The following ECSIT variants were observed in gnomAD, a reference collection of about 807,000 sequenced individuals.
The protein encoded by ECSIT is ECSIT signaling integrator.
ECSIT carries 29 observed loss-of-function variants against 36.8 expected under a neutral mutation model. That is an observed-to-expected ratio of 0.79 (90% CI 0.59 to 1.08). The LOEUF is 1.08. ECSIT is among the 50% of genes least tolerant of loss of function. ECSIT has a pLI of 0.00. For missense variants in ECSIT, 542 were observed against 581.0 expected (o/e 0.93, Z 0.69); for synonymous variants, 231 against 234.8 (o/e 0.98, Z 0.15).
At position 11,507,863 on chromosome 19, in the gene ECSIT, C is replaced by CATACAT. The variant is rs775912998; in HGVS notation, c.797-19_797-14dup. The CATACAT allele has an allele frequency of 6.2e-7, 1 of 1,613,704 alleles. No homozygotes were observed. The highest frequency in any genetic ancestry group is 2.2e-5 in the East Asian group (1 of 44,880). On this transcript the variant is annotated splice_polypyrimidine_tract_variant and intron_variant, in intron 5 of 7. Transcript: ENST00000270517. ...GGACTCTGGATTCCTGGTGTGGAGA[C>CATACAT]ATACATGCCCTGTGCCCTGCAAGGG...
At chr19:11,523,946 G>T in intron 1 of ECSIT, 1 of 356,720 alleles carries the variant, frequency 2.8e-6, no homozygotes, top group Non-Finnish European at 5.4e-6. Flanking sequence ...TTTGAGACAG[G>T]ATCTCACTCT....
intron 2 of ECSIT, among the ~76,000 whole-genome samples, chr19:11,516,877 G>C (rs1413937284): frequency 6.6e-6 from 1 of 151,884 alleles, no homozygotes; most frequent in Non-Finnish European, 1.5e-5. Flanking sequence ...AAATTAGCCA[G>C]GCATGGTGGT....
intron 5 of ECSIT, 31 bp downstream of exon 5, chr19:11,507,959 AG>A: frequency 1.2e-6 from 2 of 1,613,972 alleles, no homozygotes; most frequent in Non-Finnish European, 1.7e-6. Flanking sequence ...GTAAGGTTAG[AG>A]ACTTGGCTGC....
rs2144960158 is a variant in ECSIT, at chr19:11,506,120, G to A, written c.*64C>T. The A allele has an allele frequency of 1.3e-6, 2 of 1,584,502 alleles. No individual in the cohort carries two copies. Among genetic ancestry groups the A allele is most frequent in the Non-Finnish European group, 1.7e-6 (2 of 1,171,126 alleles). On this transcript the variant is annotated 3_prime_UTR_variant, in exon 8 of 8. Coordinates refer to ENST00000270517, the MANE Select transcript of ECSIT (RefSeq NM_016581.5). ...CATTGATTTGCTGTACACTCAAAGG[G>A]CATCTCATGCCTTCAGTCCACCGCC...
intron 1 of ECSIT, chr19:11,523,356 C>T: frequency 2.5e-6 from 1 of 401,696 alleles, no homozygotes; most frequent in Non-Finnish European, 4.4e-6. Context: ...GTTAATCACC[C>T]TTTCCCTGCC....
In ECSIT at chr19:11,519,285, A is replaced by T. The variant is rs1037898374; in HGVS notation, c.-23-92T>A. The T allele has an allele frequency of 1.2e-6, 1 of 823,966 alleles. No individual in the cohort carries two copies. Among genetic ancestry groups the T allele is most frequent in the Admixed American group, 2.0e-5 (1 of 49,972 alleles). 51.0% of individuals were successfully genotyped at this position (823,966 alleles called of 1,614,324 possible). A position where few individuals can be genotyped will look rare whatever the true frequency, so the allele number is the denominator to read the frequency against. On this transcript the variant is annotated intron_variant, in intron 1 of 7. Transcript: ENST00000270517. This position sits in a 1 kb window ranked among gnomAD's most constrained non-coding sequence, Gnocchi z 4.4. ...CAGGGTCGAGGGCACACTCCAGATT[A>T]TGTGGCTCACTCACCAGCCCCAATG...
chr19:11,506,435 GAAGACATGCACCCTT>G lies in ECSIT; in HGVS notation c.1052-22_1052-8del. ...AAGACAGGGCCTTCCTCCACTGTTG[GAAGACATGCACCCTT>G]AAGGTTTGCACAGTGGGGGCTGCAG... On this transcript the variant is annotated splice_polypyrimidine_tract_variant and splice_region_variant and intron_variant, in intron 7 of 7. Transcript: ENST00000270517. 6.2e-7 allele frequency: 1 copy of G among 1,609,276 alleles called. No individual in the cohort carries two copies. Among genetic ancestry groups the G allele is most frequent in the African/African-American group, 1.3e-5 (1 of 74,940 alleles).
rs1971723430 is a variant in ECSIT, at chr19:11,505,955, CCT to C, written c.*227_*228del. 3.3e-6 allele frequency: 3 copies of C among 922,472 alleles called. No homozygotes were observed. In the South Asian group the frequency reaches 5.4e-5, roughly 17 times the overall value. 57.1% of individuals were successfully genotyped at this position (922,472 alleles called of 1,614,324 possible). On this transcript the variant is annotated 3_prime_UTR_variant, in exon 8 of 8. Coordinates refer to ENST00000270517, the MANE Select transcript of ECSIT (RefSeq NM_016581.5). ...GCGCACAACCAACAGCGCTCCCGCC[CCT>C]TTTTATTTGAATTCGGAGAACCAGA...
intron 1 of ECSIT, among the ~76,000 whole-genome samples, chr19:11,520,854 G>A (rs1243745474): frequency 6.6e-6 from 1 of 151,162 alleles, no homozygotes; most frequent in Non-Finnish European, 1.5e-5. Flanking sequence ...TGCCCAGGCT[G>A]GATTGCAATG....
At chr19:11,514,680 CCTGG>C (rs1457039976) in intron 2 of ECSIT, among the ~76,000 whole-genome samples, 1 of 151,942 alleles carries the variant, frequency 6.6e-6, no homozygotes. Flanking sequence ...CACCACCACA[CCTGG>C]CTAATTTTTA....
intron 2 of ECSIT, among the ~76,000 whole-genome samples, chr19:11,515,602 G>A (rs946722487): frequency 2.0e-5 from 3 of 151,510 alleles, no homozygotes; most frequent in African/African-American, 7.3e-5. Context: ...GATTACAGGC[G>A]CCTGCCACCA....
intron 7 of ECSIT, among the ~76,000 whole-genome samples, chr19:11,507,089 G>A (rs879905192): frequency 6.6e-6 from 1 of 152,142 alleles, no homozygotes; most frequent in Non-Finnish European, 1.5e-5. Context: ...AGGAGGGAGG[G>A]AATGAACAAG....
chr19:11,517,770 C>T (rs1016772606), intron 2 of ECSIT, among the ~76,000 whole-genome samples: 2 of 152,034 alleles, frequency 1.3e-5, no homozygotes, highest in African/African-American at 4.8e-5. Context: ...AGAGTAAGTG[C>T]TCAATATGGG....
chr19:11,527,588 G>A (rs533544942), intron 1 of ECSIT, among the ~76,000 whole-genome samples: 88 of 152,150 alleles, frequency 5.8e-4, no homozygotes, highest in Non-Finnish European at 1.1e-3. Flanking sequence ...GACTGAGGCT[G>A]GAGGATCCTT....
Position 11,519,278 on chromosome 19 carries a change from C to A in ECSIT, c.-23-85G>T. On this transcript the variant is annotated intron_variant, in intron 1 of 7. Transcript: ENST00000270517. The surrounding 1 kb of genome is among the most constrained non-coding windows in gnomAD (Gnocchi z 4.4). Reference sequence around the variant, plus strand: ...GGCCCCGCAGGGTCGAGGGCACACTCCAGATTATGTGGCTCACTCACCAGC... The same window carrying A: ...GGCCCCGCAGGGTCGAGGGCACACTACAGATTATGTGGCTCACTCACCAGC... The A allele has an allele frequency of 1.1e-6, 1 of 875,966 alleles. No individual in the cohort carries two copies. The highest frequency in any genetic ancestry group is 1.4e-5 in the South Asian group (1 of 70,388). The allele number at this position is 875,966 out of a possible 1,614,324, so 54.3% of individuals were successfully genotyped here.
At chr19:11,522,372 C>T in intron 1 of ECSIT, 1 of 861,914 alleles carries the variant, frequency 1.2e-6, no homozygotes. Flanking sequence ...TAGCAGCCAG[C>T]AAGTCCCACC....
At chr19:11,515,143 A>C (rs932850222) in intron 2 of ECSIT, among the ~76,000 whole-genome samples, 1 of 135,554 alleles carries the variant, frequency 7.4e-6, no homozygotes, top group Non-Finnish European at 1.5e-5. Flanking sequence ...TCGCTTTGTC[A>C]CCCAGGCTGG....
At chr19:11,521,325 A>G (rs1972098439) in intron 1 of ECSIT, among the ~76,000 whole-genome samples, 1 of 152,156 alleles carries the variant, frequency 6.6e-6, no homozygotes, top group African/African-American at 2.4e-5. Context: ...TGGTAACTAC[A>G]TGTTTAACAT....
intron 2 of ECSIT, among the ~76,000 whole-genome samples, chr19:11,516,875 C>T (rs985047930): frequency 6.6e-5 from 10 of 150,846 alleles, no homozygotes; most frequent in Non-Finnish European, 1.5e-5. Flanking sequence ...AAAAATTAGC[C>T]AGGCATGGTG....
Sources: allele counts gnomAD v4.1 joint callset (sites outside exome capture counted in the v4.1 genomes callset), GRCh38; gene constraint gnomAD v4.1.1; non-coding constraint Gnocchi (gnomAD v3.1); transcripts MANE v1.5; gene names NCBI Gene and HGNC (gene_info 2026-07-23, HGNC 2026-07-21).